PRRX2: variants seen among roughly 807,000 people sequenced by gnomAD.
PRRX2 encodes paired mesoderm homeobox protein 2.
In PRRX2, 11 loss-of-function variants were observed where a neutral mutation model predicts 18.0. The ratio of observed to expected loss-of-function variants is 0.61; its 90% CI spans 0.39 to 1.01. PRRX2 has a LOEUF of 1.01. PRRX2 is among the 50% of genes least tolerant of loss of function. The pLI, the probability that PRRX2 is intolerant of heterozygous loss-of-function variation, is 0.01. For synonymous variants in PRRX2, 177 were observed against 154.8 expected, an observed-to-expected ratio of 1.14 and a Z score of -1.06; for missense variants, 387 against 351.0, an observed-to-expected ratio of 1.10 and a Z score of -0.82.
intron 1 of PRRX2, among the ~76,000 whole-genome samples, chr9:129,684,532 A>ACACACACACACACACACACACCCC (rs1165343797): frequency 5.7e-5 from 8 of 140,282 alleles, no homozygotes; most frequent in Non-Finnish European, 9.1e-5. Context: ...ACCCACACAC[A>ACACACACACACACACACACACCCC]CCCCAACAGA....
At chr9:129,690,174 C>T (rs1345552574) in intron 1 of PRRX2, among the ~76,000 whole-genome samples, 3 of 152,202 alleles carry the variant, frequency 2.0e-5, no homozygotes, top group Non-Finnish European at 4.4e-5. Flanking sequence ...AGCCTGTCCT[C>T]CTCTCCGCTG....
At chr9:129,688,070 A>G (rs770082382) in intron 1 of PRRX2, among the ~76,000 whole-genome samples, 10 of 151,130 alleles carry the variant, frequency 6.6e-5, no homozygotes, top group Non-Finnish European at 1.2e-4. Context: ...TAACTTTTAT[A>G]TTTTTTGTAG....
intron 1 of PRRX2, among the ~76,000 whole-genome samples, chr9:129,712,173 C>T (rs1296273118): frequency 2.0e-5 from 3 of 152,136 alleles, no homozygotes; most frequent in Non-Finnish European, 4.4e-5. Context: ...TTTGTTTTTG[C>T]GATCCTGTTG....
intron 1 of PRRX2, among the ~76,000 whole-genome samples, chr9:129,683,118 T>A (rs1366166356): frequency 1.3e-5 from 2 of 151,272 alleles, no homozygotes; most frequent in Non-Finnish European, 3.0e-5. Flanking sequence ...AAAAAAAAAA[T>A]TCCCTCTGGC....
rs1832154396 is a variant in PRRX2 at position 129,675,640 on chromosome 9, C to T, written c.259+9514C>T. 6.6e-6 allele frequency among the ~76,000 whole-genome samples: 1 copy of T among 152,034 alleles called. No individual in the cohort carries two copies. Among genetic ancestry groups the T allele is most frequent in the South Asian group, 2.1e-4 (1 of 4,824 alleles). On this transcript the variant is annotated intron_variant, in intron 1 of 3. Coordinates refer to ENST00000372469, the MANE Select transcript of PRRX2 (RefSeq NM_016307.4). This position sits in a 1 kb window ranked among gnomAD's most constrained non-coding sequence, Gnocchi z 4.4. ...CCCCGCCTCCCTGTCTGTCCTCCCC[C>T]ACTGCCGGTCTCCCCCTCGCTGGCC... is the stretch of plus-strand genomic sequence containing the variant.
intron 1 of PRRX2, among the ~76,000 whole-genome samples, chr9:129,704,462 C>T (rs1384694943): frequency 6.6e-6 from 1 of 152,150 alleles, no homozygotes; most frequent in East Asian, 1.9e-4. Flanking sequence ...CAGGCGTTTG[C>T]TATCTGGGTG....
At chr9:129,669,756 C>G (rs945661756) in intron 1 of PRRX2, among the ~76,000 whole-genome samples, 4 of 152,182 alleles carry the variant, frequency 2.6e-5, no homozygotes, top group Admixed American at 2.6e-4. Flanking sequence ...GTGGGGGTCC[C>G]CAGGGCTCAG....
intron 1 of PRRX2, among the ~76,000 whole-genome samples, chr9:129,678,539 C>A (rs1244466536): frequency 6.6e-6 from 1 of 152,046 alleles, no homozygotes; most frequent in Non-Finnish European, 1.5e-5. Flanking sequence ...TCAGAAGGGA[C>A]CTCAAGAATG....
intron 1 of PRRX2, among the ~76,000 whole-genome samples, chr9:129,717,568 C>A (rs147957752): frequency 1.3e-5 from 2 of 151,500 alleles, no homozygotes; most frequent in African/African-American, 4.8e-5. Flanking sequence ...TGTTGGTGGG[C>A]GCCTGTAATC....
chr9:129,666,635 T>G (rs1832029778), intron 1 of PRRX2, among the ~76,000 whole-genome samples: 1 of 125,454 alleles, frequency 8.0e-6, no homozygotes, highest in Admixed American at 1.0e-4. Flanking sequence ...CAGCCAGGCC[T>G]CTCTTCCCCG....
At chr9:129,682,666 A>G (rs568095247) in intron 1 of PRRX2, among the ~76,000 whole-genome samples, 130 of 152,288 alleles carry the variant, frequency 8.5e-4, no homozygotes, top group African/African-American at 3.1e-3. Context: ...TCCCGGAAAC[A>G]GCTCAGGTAT....
At chr9:129,699,580 A>G (rs1012971607) in intron 1 of PRRX2, among the ~76,000 whole-genome samples, 1 of 152,144 alleles carries the variant, frequency 6.6e-6, no homozygotes, top group Admixed American at 6.6e-5. Context: ...TTGGGCAAGC[A>G]GAGAATTGAG....
intron 1 of PRRX2, among the ~76,000 whole-genome samples, chr9:129,679,785 C>T (rs1403378993): frequency 6.6e-6 from 1 of 152,202 alleles, no homozygotes; most frequent in Non-Finnish European, 1.5e-5. Flanking sequence ...TCTTGTCCCC[C>T]ATGCAGCTCA....
intron 1 of PRRX2, among the ~76,000 whole-genome samples, chr9:129,698,205 A>T (rs2130922786): frequency 8.2e-6 from 1 of 122,408 alleles, no homozygotes; most frequent in East Asian, 2.9e-4. Context: ...TGAGCAGTGG[A>T]GCTGGGAGCT....
intron 1 of PRRX2, among the ~76,000 whole-genome samples, chr9:129,716,410 G>A (rs889690541): frequency 2.6e-5 from 4 of 151,464 alleles, no homozygotes; most frequent in African/African-American, 7.3e-5. Flanking sequence ...GGGAAATATC[G>A]TTAGGTGGGG....
rs117327661 is a variant in PRRX2 at position 129,677,627 on chromosome 9, C to A, written c.259+11501C>A. 1.4e-3 allele frequency among the ~76,000 whole-genome samples: 209 copies of A among 152,298 alleles called. No individual in the cohort carries two copies. The East Asian group carries it at 0.026, about 19-fold the overall frequency. ...CATGGTCAGGCGGGGAGGCTCCAGG[C>A]CTTGCTGTGATGGGGAGGGGGGTGA... On this transcript the variant is annotated intron_variant, in intron 1 of 3. Coordinates refer to ENST00000372469, the MANE Select transcript of PRRX2 (RefSeq NM_016307.4).
At chr9:129,710,194 C>T (rs1036701455) in intron 1 of PRRX2, among the ~76,000 whole-genome samples, 9 of 152,124 alleles carry the variant, frequency 5.9e-5, no homozygotes, top group African/African-American at 2.2e-4. Context: ...GGTGAGAGGG[C>T]GTGGTGTGTG....
Position 129,671,654 on chromosome 9 carries a change from G to A in PRRX2, c.259+5528G>A, listed in dbSNP as rs1363118798. On this transcript the variant is annotated intron_variant, in intron 1 of 3. Coordinates refer to ENST00000372469, the MANE Select transcript of PRRX2 (RefSeq NM_016307.4). This position sits in a 1 kb window ranked among gnomAD's most constrained non-coding sequence, Gnocchi z 4.0. ...AAAGGGCGTGTCGAGCCCTGAGTGG[G>A]TGAGGGTTCTGGGTACCATGCCTAG... Among the ~76,000 whole-genome samples, 2 of 152,240 alleles carry A rather than the reference G, an allele frequency of 1.3e-5. No individual in the cohort carries two copies. The highest frequency in any genetic ancestry group is 4.8e-5 in the African/African-American group (2 of 41,464).
intron 1 of PRRX2, among the ~76,000 whole-genome samples, chr9:129,674,827 G>T (rs1323688311): frequency 6.6e-6 from 1 of 152,148 alleles, no homozygotes; most frequent in Admixed American, 6.5e-5. Context: ...AAGACAAGAA[G>T]GTTGGACATT....
Sources: gnomAD v4.1 joint callset for allele counts (sites outside exome capture counted in the v4.1 genomes callset) on GRCh38, gnomAD v4.1.1 for gene constraint, Gnocchi (gnomAD v3.1) non-coding constraint, MANE v1.5 for transcripts, NCBI Gene and HGNC (gene_info 2026-07-23, HGNC 2026-07-21) for gene names.